ZNF362: variants seen among roughly 807,000 people sequenced by gnomAD.
ZNF362 encodes the protein zinc finger protein 362.
A neutral mutation model predicts 42.9 loss-of-function variants in ZNF362; 11 were observed. That is an observed-to-expected ratio of 0.26 (90% CI 0.16 to 0.42). The LOEUF (loss-of-function observed/expected upper bound fraction) is 0.42. Among genes scored for constraint, ZNF362 ranks in the 20% least tolerant of loss-of-function variants. ZNF362 has a pLI of 1.00. For missense variants in ZNF362, 362 were observed against 576.2 expected, an observed-to-expected ratio of 0.63 and a Z score of 3.81; for synonymous variants, 255 against 257.3, an observed-to-expected ratio of 0.99 and a Z score of 0.09.
the ZNF362 span, chr1:33,159,709 C>T: frequency 1.2e-6 from 2 of 1,609,906 alleles, no homozygotes; most frequent in Non-Finnish European, 1.7e-6. This position sits in a 1 kb window ranked among gnomAD's most constrained non-coding sequence, Gnocchi z 4.2. Context: ...TGAGGCCACC[C>T]CAGCCAGGAA....
chr1:33,246,494 T>C, the ZNF362 span, among the ~76,000 whole-genome samples: 1 of 152,146 alleles, frequency 6.6e-6, no homozygotes, highest in African/African-American at 2.4e-5. Flanking sequence ...TGGGAATTGC[T>C]TTTTTCCAGG....
chr1:33,201,798 C>T, the ZNF362 span, among the ~76,000 whole-genome samples: 16 of 151,938 alleles, frequency 1.1e-4, no homozygotes, highest in South Asian at 6.2e-4. Flanking sequence ...AAAACAAAAA[C>T]GATACAGAAC....
the ZNF362 span, chr1:33,159,679 G>A: frequency 2.5e-6 from 4 of 1,601,238 alleles, no homozygotes; most frequent in Non-Finnish European, 3.4e-6. This position sits in a 1 kb window ranked among gnomAD's most constrained non-coding sequence, Gnocchi z 4.2. Context: ...CCCGGCGGGT[G>A]GCACTTACCG....
intron 1 of ZNF362, among the ~76,000 whole-genome samples, chr1:33,259,688 G>A (rs1206860572): frequency 6.6e-6 from 1 of 152,236 alleles, no homozygotes; most frequent in Admixed American, 6.5e-5. Context: ...TACAAGTGTA[G>A]TCCTCCAGGG....
At chr1:33,170,730 A>G in the ZNF362 span, among the ~76,000 whole-genome samples, 1 of 152,180 alleles carries the variant, frequency 6.6e-6, no homozygotes, top group Non-Finnish European at 1.5e-5. Flanking sequence ...TCCCGCTCCA[A>G]CGTGTCTCCT....
At chr1:33,147,968 C>T in the ZNF362 span, among the ~76,000 whole-genome samples, 1 of 152,230 alleles carries the variant, frequency 6.6e-6, no homozygotes, top group Non-Finnish European at 1.5e-5. This position sits in a 1 kb window ranked among gnomAD's most constrained non-coding sequence, Gnocchi z 8.1. Flanking sequence ...GCTGCTTGTT[C>T]ACTGCCTGAT....
chr1:33,259,752 C>T lies in ZNF362; in HGVS notation c.-89+3098C>T, dbSNP rs1451035353. Among the ~76,000 whole-genome samples, 4 of 152,288 alleles carry T rather than the reference C, an allele frequency of 2.6e-5. No homozygotes were observed. The East Asian group carries it at 7.7e-4, about 29-fold the overall frequency. On this transcript the variant is annotated intron_variant, in intron 1 of 8. Coordinates refer to ENST00000539719, the MANE Select transcript of ZNF362 (RefSeq NM_152493.3). Reference sequence around the variant, plus strand: ...AGACTGCAGGTGCATGAAGCACTAGCCAGGGCAGTGTTTGCTGAGTGCCTC... The same window carrying T: ...AGACTGCAGGTGCATGAAGCACTAGTCAGGGCAGTGTTTGCTGAGTGCCTC...
chr1:33,229,404 C>CT, the ZNF362 span, among the ~76,000 whole-genome samples: 3 of 141,280 alleles, frequency 2.1e-5, no homozygotes, highest in Admixed American at 7.1e-5. Flanking sequence ...TTCTATTCTG[C>CT]CTTTTTTTTT....
the ZNF362 span, among the ~76,000 whole-genome samples, chr1:33,209,343 TG>T: frequency 6.6e-6 from 1 of 152,224 alleles, no homozygotes; most frequent in Non-Finnish European, 1.5e-5. Flanking sequence ...TAAGGATTTT[TG>T]CATTGATGTT....
chr1:33,192,489 T>C, the ZNF362 span, among the ~76,000 whole-genome samples: 1 of 152,170 alleles, frequency 6.6e-6, no homozygotes, highest in Non-Finnish European at 1.5e-5. Context: ...AATTAGCTTA[T>C]TTGGAAAGTG....
the ZNF362 span, among the ~76,000 whole-genome samples, chr1:33,154,680 C>T: frequency 6.6e-6 from 1 of 151,560 alleles, no homozygotes; most frequent in Non-Finnish European, 1.5e-5. Context: ...TGCCTGTAAT[C>T]CCAGCTACTT....
intron 8 of ZNF362, among the ~76,000 whole-genome samples, chr1:33,296,219 C>T (rs1407684140): frequency 1.3e-5 from 2 of 152,180 alleles, no homozygotes; most frequent in East Asian, 1.9e-4. Flanking sequence ...CTGGCCTGCA[C>T]GTGGCAGGGC....
chr1:33,189,691 ATATATACACATATATACG>A, the ZNF362 span, among the ~76,000 whole-genome samples: 368 of 33,984 alleles, frequency 0.011, 31 homozygotes, highest in Middle Eastern at 0.078. Context: ...ATACGTATAT[ATATATACACATATATACG>A]TATATATATA....
the ZNF362 span, among the ~76,000 whole-genome samples, chr1:33,228,968 T>C: frequency 5.9e-5 from 9 of 152,236 alleles, no homozygotes; most frequent in African/African-American, 2.2e-4. Flanking sequence ...TTCCTTGCTC[T>C]TCCCTGAAGA....
Position 33,280,190 on chromosome 1 carries a change from G to A in ZNF362, c.416G>A (p.Gly139Asp), listed in dbSNP as rs755154398. ...GAGTCAAGCGCGGGCGCGGGCACGG[G>A]CACGGGTACCAGCACCCCGTCCACA... ...TSESSAGAGT[G>D]TGTSTPSTPT... Residue 139 changes from glycine to aspartate, a missense_variant, in exon 5 of 9, where the codon GGC becomes GAC. This residue lies in a region of ZNF362 where 266 missense variants were observed against 365.4 expected (regional missense o/e 0.73). Transcript: ENST00000539719. The surrounding 1 kb of genome is among the most constrained non-coding windows in gnomAD (Gnocchi z 5.6). The A allele has an allele frequency of 6.2e-6, 10 of 1,612,940 alleles. No individual in the cohort carries two copies. The Admixed American group carries it at 1.7e-4, about 27-fold the overall frequency.
chr1:33,159,674 C>T, the ZNF362 span: 61,208 of 1,594,072 alleles, frequency 0.038, 1,408 homozygotes, highest in Non-Finnish European at 0.046. This position sits in a 1 kb window ranked among gnomAD's most constrained non-coding sequence, Gnocchi z 4.2. Context: ...AGGGCCCCGG[C>T]GGGTGGCACT....
the ZNF362 span, among the ~76,000 whole-genome samples, chr1:33,207,204 G>C: frequency 6.7e-6 from 1 of 150,274 alleles, no homozygotes; most frequent in African/African-American, 2.5e-5. Context: ...TGCGGTGTTT[G>C]GTTTTCTGTC....
the ZNF362 span, among the ~76,000 whole-genome samples, chr1:33,220,007 A>G: frequency 6.6e-6 from 1 of 152,134 alleles, no homozygotes; most frequent in Non-Finnish European, 1.5e-5. Context: ...TCAGAAGGGG[A>G]AACTGGAAAA....
chr1:33,213,169 G>A, the ZNF362 span, among the ~76,000 whole-genome samples: 1 of 152,024 alleles, frequency 6.6e-6, no homozygotes, highest in Non-Finnish European at 1.5e-5. Flanking sequence ...TGTTTTAGAT[G>A]GAGTCTCACT....
Sources: allele counts gnomAD v4.1 joint callset (sites outside exome capture counted in the v4.1 genomes callset), GRCh38; gene constraint gnomAD v4.1.1; regional missense constraint gnomAD v4.1.1; non-coding constraint Gnocchi (gnomAD v3.1); transcripts MANE v1.5; gene names NCBI Gene and HGNC (gene_info 2026-07-23, HGNC 2026-07-21).